The following ADORA2B variants were observed in gnomAD, a reference collection of about 807,000 sequenced individuals.
The protein encoded by ADORA2B is adenosine receptor A2b.
A neutral mutation model predicts 20.8 loss-of-function variants in ADORA2B; 18 were observed. That is an observed-to-expected ratio of 0.87 (90% CI 0.60 to 1.29). The LOEUF (loss-of-function observed/expected upper bound fraction) is 1.29. Ranked by LOEUF, ADORA2B falls within the 50% of genes most tolerant of loss-of-function variation. The probability of loss-of-function intolerance (pLI) is 0.00; values close to 1 mark genes in which losing one functional copy is unlikely to be tolerated. For synonymous variants in ADORA2B, 179 were observed against 178.3 expected, an observed-to-expected ratio of 1.00 and a Z score of -0.03; for missense variants, 441 against 422.7, an observed-to-expected ratio of 1.04 and a Z score of -0.38.
Position 15,951,684 on chromosome 17 carries a change from G to A in ADORA2B, c.335+6101G>A, listed in dbSNP as rs148352722. Among the ~76,000 whole-genome samples, 328 of 152,342 alleles carry A rather than the reference G, an allele frequency of 2.2e-3. 1 individual carries two copies. The highest frequency in any genetic ancestry group is 7.5e-3 in the African/African-American group (310 of 41,586). On this transcript the variant is annotated intron_variant, in intron 1 of 1. Coordinates refer to ENST00000304222, the MANE Select transcript of ADORA2B (RefSeq NM_000676.4). ...GTCTTGGAACCAGGTCAGAACTGGG[G>A]TAATTCAATCCAGAGGATACCTGAA...
the ADORA2B span, among the ~76,000 whole-genome samples, chr17:15,918,695 C>T: frequency 3.9e-5 from 6 of 152,172 alleles, no homozygotes; most frequent in Non-Finnish European, 8.8e-5. Flanking sequence ...TGGTCTCAAA[C>T]TCCTGACCTC....
At chr17:15,967,514 A>G (rs1367505480) in intron 1 of ADORA2B, among the ~76,000 whole-genome samples, 5 of 152,126 alleles carry the variant, frequency 3.3e-5, no homozygotes, top group African/African-American at 1.2e-4. Flanking sequence ...TACAGGCGTG[A>G]GCCACCGCGC....
the ADORA2B span, among the ~76,000 whole-genome samples, chr17:15,855,723 TAC>T: frequency 6.6e-6 from 1 of 152,080 alleles, no homozygotes; most frequent in Middle Eastern, 3.2e-3. Context: ...AGATTCAGGG[TAC>T]ATGTGCAGGT....
the ADORA2B span, among the ~76,000 whole-genome samples, chr17:15,897,156 G>A: frequency 6.6e-6 from 1 of 152,188 alleles, no homozygotes; most frequent in Non-Finnish European, 1.5e-5. Context: ...CCAGAATGAT[G>A]AAAGACAAGA....
chr17:15,940,275 C>G (rs1041854471), upstream of ADORA2B, among the ~76,000 whole-genome samples: 1 of 152,206 alleles, frequency 6.6e-6, no homozygotes, highest in Non-Finnish European at 1.5e-5. Context: ...AGAGCTGCCT[C>G]TGAAGACTTG....
the ADORA2B span, among the ~76,000 whole-genome samples, chr17:15,933,415 A>G: frequency 6.6e-6 from 1 of 152,154 alleles, no homozygotes; most frequent in African/African-American, 2.4e-5. Flanking sequence ...TTGTCTTCCA[A>G]TCCATGAATA....
intron 1 of ADORA2B, among the ~76,000 whole-genome samples, chr17:15,946,641 C>T (rs1969810249): frequency 6.6e-6 from 1 of 152,146 alleles, no homozygotes; most frequent in Non-Finnish European, 1.5e-5. Context: ...AAACGTGTCC[C>T]CAGCAGTCCT....
chr17:15,971,381 A>G (rs984430894), intron 1 of ADORA2B, among the ~76,000 whole-genome samples: 5 of 152,218 alleles, frequency 3.3e-5, no homozygotes, highest in African/African-American at 1.2e-4. Context: ...ATTCAGTGAA[A>G]AAACTGAGCC....
intron 1 of ADORA2B, among the ~76,000 whole-genome samples, chr17:15,957,124 A>G (rs1473566788): frequency 6.6e-6 from 1 of 152,248 alleles, no homozygotes; most frequent in Non-Finnish European, 1.5e-5. Context: ...GGCAGAGGCC[A>G]TGGAGATGGC....
chr17:15,903,498 T>G, the ADORA2B span, among the ~76,000 whole-genome samples: 1 of 152,166 alleles, frequency 6.6e-6, no homozygotes, highest in Non-Finnish European at 1.5e-5. Context: ...AGAAAGCACC[T>G]TCTAGGCTGA....
chr17:15,867,249 G>T, the ADORA2B span, among the ~76,000 whole-genome samples: 1 of 151,538 alleles, frequency 6.6e-6, no homozygotes, highest in African/African-American at 2.4e-5. Context: ...GCCGCCCATT[G>T]TCTGGGATGT....
At chr17:15,924,987 G>A in the ADORA2B span, among the ~76,000 whole-genome samples, 1 of 151,606 alleles carries the variant, frequency 6.6e-6, no homozygotes, top group East Asian at 1.9e-4. Flanking sequence ...CAATCCTCCT[G>A]CCTCAGCCTC....
chr17:15,958,607 T>C (rs59445662), intron 1 of ADORA2B, among the ~76,000 whole-genome samples: 15,142 of 152,166 alleles, frequency 0.1, 2,522 homozygotes, highest in African/African-American at 0.34. Flanking sequence ...CCGTCCTCTC[T>C]TTCCTTCGTT....
chr17:15,857,374 C>G, the ADORA2B span, among the ~76,000 whole-genome samples: 1 of 152,182 alleles, frequency 6.6e-6, no homozygotes, highest in Non-Finnish European at 1.5e-5. Context: ...GGTTGGTGCC[C>G]CCACACAGAA....
chr17:15,881,315 A>T, the ADORA2B span, among the ~76,000 whole-genome samples: 5 of 152,254 alleles, frequency 3.3e-5, no homozygotes, highest in Admixed American at 2.6e-4. Context: ...GTTAGCCAGG[A>T]TGGTCTCGAC....
the ADORA2B span, among the ~76,000 whole-genome samples, chr17:15,873,193 G>C: frequency 6.6e-6 from 1 of 152,014 alleles, no homozygotes; most frequent in South Asian, 2.1e-4. Flanking sequence ...CTGTTTATGC[G>C]ATGTCACATT....
intron 1 of ADORA2B, among the ~76,000 whole-genome samples, chr17:15,951,858 G>A (rs974544053): frequency 1.4e-4 from 21 of 152,196 alleles, no homozygotes; most frequent in Admixed American, 3.3e-4. Flanking sequence ...CCGGGAAGGA[G>A]GGCCCGCTCA....
Position 15,945,362 on chromosome 17 carries a change from G to C in ADORA2B, c.114G>C (p.Leu38=). The C allele has an allele frequency of 6.2e-7, 1 of 1,611,090 alleles. No individual in the cohort carries two copies. The highest frequency in any genetic ancestry group is 1.3e-5 in the African/African-American group (1 of 75,046). The change falls in exon 1 of 2, where the codon CTG becomes CTC. Residue 38 remains leucine (L), a synonymous_variant. Transcript: ENST00000304222. ...VCAAVGTANT[L]QTPTNYFLVS... ...CCGCGGTGGGCACGGCGAACACTCT[G>C]CAGACGCCCACCAACTACTTCCTGG...
the ADORA2B span, among the ~76,000 whole-genome samples, chr17:15,925,490 T>G: frequency 3.8e-4 from 58 of 152,316 alleles, no homozygotes; most frequent in South Asian, 2.1e-3. Flanking sequence ...TTATAAATAG[T>G]AATCTAACAC....
Sources: allele counts gnomAD v4.1 joint callset (sites outside exome capture counted in the v4.1 genomes callset), GRCh38; gene constraint gnomAD v4.1.1; transcripts MANE v1.5; gene names NCBI Gene and HGNC (gene_info 2026-07-23, HGNC 2026-07-21).